The following NDUFAF2 variants were observed in gnomAD, a reference collection of about 807,000 sequenced individuals.
NDUFAF2 encodes NADH:ubiquinone oxidoreductase complex assembly factor 2, also known as NADH dehydrogenase [ubiquinone] 1 alpha subcomplex assembly factor 2.
Under a neutral mutation model 22.8 loss-of-function variants are expected in NDUFAF2, and 13 were observed. That is an observed-to-expected ratio of 0.57 (90% CI 0.37 to 0.91). NDUFAF2 has a LOEUF of 0.91. NDUFAF2 is among the 40% of genes least tolerant of loss of function. The probability of loss-of-function intolerance (pLI) is 0.01; values close to 1 mark genes in which losing one functional copy is unlikely to be tolerated. For synonymous variants in NDUFAF2, 53 were observed against 64.2 expected, an observed-to-expected ratio of 0.83 and a Z score of 0.84; for missense variants, 162 against 195.2, an observed-to-expected ratio of 0.83 and a Z score of 1.01.
intron 3 of NDUFAF2, among the ~76,000 whole-genome samples, chr5:61,106,723 C>T (rs1752769023): frequency 6.7e-6 from 1 of 150,272 alleles, no homozygotes; most frequent in South Asian, 2.1e-4. Context: ...CTCTGGTAAT[C>T]ATCCTTCTAC....
chr5:61,049,121 A>G (rs925959899), intron 1 of NDUFAF2, among the ~76,000 whole-genome samples: 2 of 152,164 alleles, frequency 1.3e-5, no homozygotes, highest in Admixed American at 1.3e-4. Flanking sequence ...AGGATCAATT[A>G]TATCCTTGTG....
chr5:60,988,306 G>A (rs137981386), intron 1 of NDUFAF2, among the ~76,000 whole-genome samples: 6 of 152,136 alleles, frequency 3.9e-5, no homozygotes, highest in Admixed American at 6.6e-5. Flanking sequence ...AAAACATTTC[G>A]TGTTCACTGA....
intron 2 of NDUFAF2, among the ~76,000 whole-genome samples, chr5:61,082,391 C>G (rs1416053208): frequency 6.6e-6 from 1 of 152,058 alleles, no homozygotes; most frequent in African/African-American, 2.4e-5. Flanking sequence ...CATCACCATG[C>G]CTATAAGTAC....
intron 3 of NDUFAF2, among the ~76,000 whole-genome samples, chr5:61,133,852 A>G (rs1227132752): frequency 6.6e-6 from 1 of 152,250 alleles, no homozygotes; most frequent in Non-Finnish European, 1.5e-5. Flanking sequence ...ACAGAAAGGC[A>G]TAAAGGGCAG....
chr5:61,098,350 T>A (rs1275594942), intron 2 of NDUFAF2, among the ~76,000 whole-genome samples: 3 of 152,234 alleles, frequency 2.0e-5, no homozygotes, highest in Admixed American at 2.0e-4. Flanking sequence ...CTGTCTTCCA[T>A]GTGATTCTGA....
intron 1 of NDUFAF2, among the ~76,000 whole-genome samples, chr5:60,992,015 G>A (rs559572177): frequency 2.6e-5 from 4 of 152,264 alleles, no homozygotes; most frequent in African/African-American, 9.6e-5. Context: ...ATGTCTTATT[G>A]TAGTTTTGAT....
chr5:60,948,779 A>G (rs376798163), intron 1 of NDUFAF2, among the ~76,000 whole-genome samples: 158 of 152,184 alleles, frequency 1.0e-3, no homozygotes, highest in African/African-American at 3.7e-3. Context: ...AAGTCTTTGT[A>G]TGGACTTATG....
chr5:61,123,983 T>A (rs990484675), intron 3 of NDUFAF2, among the ~76,000 whole-genome samples: 1 of 152,122 alleles, frequency 6.6e-6, no homozygotes, highest in African/African-American at 2.4e-5. Context: ...AATACAAAAT[T>A]ATAATAATTA....
At position 61,126,187 on chromosome 5, in the gene NDUFAF2, G is replaced by A. The variant is rs139148995; in HGVS notation, c.259-26517G>A. On this transcript the variant is annotated intron_variant, in intron 3 of 3. Transcript: ENST00000296597. The stretch of plus-strand genomic sequence containing the variant: ...AAATTGATTGCTTTTCATCTTTAAT[G>A]TATGAAGTTCTTGCTATGTAGTAAT... 6.4e-3 allele frequency among the ~76,000 whole-genome samples: 977 copies of A among 152,032 alleles called. 8 individuals carry two copies. The highest frequency in any genetic ancestry group is 0.011 in the Admixed American group (162 of 15,238).
At chr5:60,985,121 G>T in intron 1 of NDUFAF2, among the ~76,000 whole-genome samples, 1 of 152,164 alleles carries the variant, frequency 6.6e-6, no homozygotes, top group Non-Finnish European at 1.5e-5. Flanking sequence ...GTTTAGTCTT[G>T]GAAGGATGTA....
At chr5:61,065,344 A>G (rs1752214877) in intron 1 of NDUFAF2, among the ~76,000 whole-genome samples, 1 of 152,120 alleles carries the variant, frequency 6.6e-6, no homozygotes, top group Non-Finnish European at 1.5e-5. Flanking sequence ...ACTTCTAAGC[A>G]TATTTTATGA....
intron 1 of NDUFAF2, among the ~76,000 whole-genome samples, chr5:61,065,113 T>C (rs1177505576): frequency 6.6e-6 from 1 of 151,984 alleles, no homozygotes; most frequent in Non-Finnish European, 1.5e-5. Context: ...AGGAAATGGA[T>C]GAATTCCTAG....
chr5:60,949,134 C>T (rs989727527), intron 1 of NDUFAF2, among the ~76,000 whole-genome samples: 1 of 152,056 alleles, frequency 6.6e-6, no homozygotes. Flanking sequence ...ATTCATGTAA[C>T]CAACACCAAA....
intron 1 of NDUFAF2, among the ~76,000 whole-genome samples, chr5:60,980,375 T>C (rs1393192352): frequency 1.3e-5 from 2 of 152,236 alleles, no homozygotes; most frequent in Non-Finnish European, 2.9e-5. Context: ...TCAAAATAAC[T>C]GTATTGAGAA....
chr5:60,993,200 C>T (rs1220416835), intron 1 of NDUFAF2, among the ~76,000 whole-genome samples: 1 of 152,230 alleles, frequency 6.6e-6, no homozygotes, highest in East Asian at 1.9e-4. Context: ...TGTGAGGCTG[C>T]AGCTAGACCA....
chr5:61,005,199 G>A (rs1379214039), intron 1 of NDUFAF2, among the ~76,000 whole-genome samples: 1 of 152,110 alleles, frequency 6.6e-6, no homozygotes, highest in East Asian at 1.9e-4. Flanking sequence ...TTGGTTTTCT[G>A]TCCTTGTGAT....
chr5:61,121,672 A>G (rs1752977978), intron 3 of NDUFAF2, among the ~76,000 whole-genome samples: 1 of 152,064 alleles, frequency 6.6e-6, no homozygotes, highest in Admixed American at 6.6e-5. Context: ...TGAGATTAAT[A>G]TTTAAATCAG....
chr5:61,152,305 G>A (rs973664808), intron 3 of NDUFAF2, among the ~76,000 whole-genome samples: 9 of 151,956 alleles, frequency 5.9e-5, no homozygotes, highest in African/African-American at 2.2e-4. Flanking sequence ...AAAAAAAAAG[G>A]GTAGTCAGAG....
chr5:61,131,364 T>G lies in NDUFAF2; in HGVS notation c.259-21340T>G, dbSNP rs897133960. On this transcript the variant is annotated intron_variant, in intron 3 of 3. Transcript: ENST00000296597. ...CTAATTGTGTTGTTTTTTTGGGGGG[T>G]TTTTTGGTTTGTTTTTTATGTTTGT... Among the ~76,000 whole-genome samples, 5 of 151,840 alleles carry G rather than the reference T, an allele frequency of 3.3e-5. No individual in the cohort carries two copies. In the East Asian group the frequency reaches 7.8e-4, roughly 24 times the overall value.
Sources: gnomAD v4.1 joint callset for allele counts (sites outside exome capture counted in the v4.1 genomes callset) on GRCh38, gnomAD v4.1.1 for gene constraint, MANE v1.5 for transcripts, NCBI Gene and HGNC (gene_info 2026-07-23, HGNC 2026-07-21) for gene names.